Variants in SPAST observed in about 807,000 individuals in gnomAD.
SPAST encodes spastic paraplegia 4 (autosomal dominant; spastin).
In SPAST, 30 loss-of-function variants were observed where a neutral mutation model predicts 76.6. That is an observed-to-expected ratio of 0.39 (90% CI 0.29 to 0.53). The LOEUF is 0.53. Ranked by LOEUF, SPAST falls within the 20% of genes least tolerant of loss-of-function variation. The pLI is 0.68. For missense variants in SPAST, 717 were observed against 770.5 expected, an observed-to-expected ratio of 0.93 and a Z score of 0.82; for synonymous variants, 305 against 281.0, an observed-to-expected ratio of 1.09 and a Z score of -0.86.
At chr2:32,094,786 A>G (rs1284143596) in intron 3 of SPAST, among the ~76,000 whole-genome samples, 1 of 152,200 alleles carries the variant, frequency 6.6e-6, no homozygotes, top group African/African-American at 2.4e-5. Flanking sequence ...CCTGGCCAAC[A>G]TGGCGAAACC....
chr2:32,102,099 A>G (rs1278498943), intron 4 of SPAST, among the ~76,000 whole-genome samples: 3 of 152,150 alleles, frequency 2.0e-5, no homozygotes, highest in Admixed American at 2.0e-4. Flanking sequence ...GATTCTTCCT[A>G]TCCATAAGCA....
chr2:32,135,027 T>G (rs908504915), intron 9 of SPAST, among the ~76,000 whole-genome samples: 1 of 151,818 alleles, frequency 6.6e-6, no homozygotes, highest in Non-Finnish European at 1.5e-5. Flanking sequence ...TGAACTGACC[T>G]TAAGAAAGTA....
intron 5 of SPAST, 41 bp from the exon 6 acceptor site, chr2:32,115,661 G>A (rs1487918644): frequency 2.7e-6 from 4 of 1,466,962 alleles, no homozygotes; most frequent in Admixed American, 1.7e-5. Context: ...AAGTGTAAAT[G>A]TTAGGTTGTA....
At chr2:32,064,435 T>G (rs1676428974) in intron 1 of SPAST, among the ~76,000 whole-genome samples, 189 bp downstream of exon 1, 1 of 152,150 alleles carries the variant, frequency 6.6e-6, no homozygotes, top group Admixed American at 6.5e-5. Context: ...CCTCTCCCCT[T>G]TCAGGGCACT....
chr2:32,063,842 C>G lies in SPAST; in HGVS notation c.11C>G (p.Pro4Arg), dbSNP rs751225341. Residue 4 changes from proline (P) to arginine (R), a missense_variant, in exon 1 of 17, where the codon CCG becomes CGG. Around this residue, in one of 3 missense-constraint regions of SPAST, gnomAD observed 543 missense variants for 445.2 expected, o/e 1.22. Coordinates refer to ENST00000315285, the MANE Select transcript of SPAST (RefSeq NM_014946.4). The stretch of plus-strand genomic sequence containing the variant: ...CAGTGAGAGCTGTGAATGAATTCTC[C>G]GGGTGGACGAGGGAAGAAGAAAGGC... MNS[P>R]GGRGKKKGSG... The G allele has an allele frequency of 5.7e-6, 9 of 1,576,980 alleles. No homozygotes were observed. The South Asian group carries it at 1.0e-4, about 18-fold the overall frequency.
chr2:32,144,879 C>T (rs576567722), intron 14 of SPAST, 58 bp from the exon 15 acceptor site: 17 of 1,208,572 alleles, frequency 1.4e-5, no homozygotes, highest in African/African-American at 7.5e-5. Context: ...AGCAAAACTC[C>T]ATCTCAAAAA....
At chr2:32,113,210 C>G (rs567691272) in intron 4 of SPAST, among the ~76,000 whole-genome samples, 32 of 151,748 alleles carry the variant, frequency 2.1e-4, no homozygotes, top group African/African-American at 7.5e-4. Context: ...TCACTGCAAT[C>G]GGGTAGCTGG....
intron 12 of SPAST, among the ~76,000 whole-genome samples, chr2:32,140,073 A>G (rs537559549): frequency 6.6e-6 from 1 of 152,182 alleles, no homozygotes; most frequent in South Asian, 2.1e-4. Flanking sequence ...TTTTGCACAT[A>G]AATTATGTGT....
intron 1 of SPAST, among the ~76,000 whole-genome samples, chr2:32,075,686 A>G (rs1676931276): frequency 6.7e-6 from 1 of 148,162 alleles, no homozygotes; most frequent in Non-Finnish European, 1.5e-5. Context: ...AGTAGATGGG[A>G]CTACAGGCAC....
At chr2:32,146,572 A>T (rs374074220) in intron 15 of SPAST, among the ~76,000 whole-genome samples, 1 of 151,774 alleles carries the variant, frequency 6.6e-6, no homozygotes, top group African/African-American at 2.4e-5. Context: ...CTGTCTTAAA[A>T]AGTAAATAAA....
At chr2:32,124,821 A>G (rs1255946913) in intron 7 of SPAST, among the ~76,000 whole-genome samples, 2 of 152,234 alleles carry the variant, frequency 1.3e-5, no homozygotes, top group African/African-American at 4.8e-5. Context: ...TTCTGACTAT[A>G]TGATGTTTTG....
intron 1 of SPAST, among the ~76,000 whole-genome samples, chr2:32,068,661 A>G (rs1676623031): frequency 6.6e-6 from 1 of 152,124 alleles, no homozygotes; most frequent in Non-Finnish European, 1.5e-5. Context: ...TCAACAACTG[A>G]TGCCGTAATA....
intron 3 of SPAST, among the ~76,000 whole-genome samples, chr2:32,091,111 G>C (rs192403975): frequency 6.6e-6 from 1 of 151,868 alleles, no homozygotes; most frequent in East Asian, 1.9e-4. Context: ...CATATGAGTG[G>C]CTCTACCATA....
At chr2:32,067,790 G>A (rs1573034453) in intron 1 of SPAST, among the ~76,000 whole-genome samples, 2 of 141,194 alleles carry the variant, frequency 1.4e-5, no homozygotes, top group Non-Finnish European at 3.0e-5. Context: ...ATAGGATCTT[G>A]TTATGTTAGC....
intron 1 of SPAST, among the ~76,000 whole-genome samples, chr2:32,083,795 A>C (rs1158758117): frequency 1.6e-5 from 1 of 62,186 alleles, no homozygotes. Flanking sequence ...TTTTTTTGAG[A>C]TGAAGTCATG....
chr2:32,108,722 A>ATT lies in SPAST; in HGVS notation c.683-5915_683-5914dup, dbSNP rs1678418283. Among the ~76,000 whole-genome samples the ATT allele has an allele frequency of 5.4e-5, 7 of 130,622 alleles. No homozygotes were observed. The South Asian group carries it at 1.9e-3, about 36-fold the overall frequency. The allele number at this position is 130,622 out of a possible 152,430, so 85.7% of individuals were successfully genotyped here. A position where few individuals can be genotyped will look rare whatever the true frequency, so the allele number is the denominator to read the frequency against. On this transcript the variant is annotated intron_variant, in intron 4 of 16. Coordinates refer to ENST00000315285, the MANE Select transcript of SPAST (RefSeq NM_014946.4). ...CGCCTCAGACTCCCAGAGTGTTGGG[A>ATT]TTATAGGTGTGAGCTACTGTGCCTG...
chr2:32,150,377 C>T (rs2148765902), intron 16 of SPAST, among the ~76,000 whole-genome samples: 1 of 151,130 alleles, frequency 6.6e-6, no homozygotes, highest in Non-Finnish European at 1.5e-5. Flanking sequence ...AGGCATGAGC[C>T]ACCACGCCCG....
intron 14 of SPAST, 88 bp downstream of exon 14, chr2:32,143,503 T>G (rs1030576805): frequency 1.2e-6 from 1 of 815,352 alleles, no homozygotes. Context: ...TAATCTTAAG[T>G]ATGAAATGAG....
intron 16 of SPAST, among the ~76,000 whole-genome samples, chr2:32,152,955 C>G (rs947366023): frequency 3.9e-5 from 6 of 152,046 alleles, no homozygotes; most frequent in African/African-American, 1.5e-4. Flanking sequence ...GCCATGTTGC[C>G]CAGGCTGGTC....
Sources: allele counts gnomAD v4.1 joint callset (sites outside exome capture counted in the v4.1 genomes callset), GRCh38; gene constraint gnomAD v4.1.1; regional missense constraint gnomAD v4.1.1; transcripts MANE v1.5; gene names NCBI Gene and HGNC (gene_info 2026-07-23, HGNC 2026-07-21).